Variants in GRM5 observed in about 807,000 individuals in gnomAD.
The protein encoded by GRM5 is metabotropic glutamate receptor 5.
In GRM5, 19 loss-of-function variants were observed where a neutral mutation model predicts 83.1. The ratio of observed to expected loss-of-function variants is 0.23; its 90% CI spans 0.16 to 0.34. The LOEUF is 0.34. Among genes scored for constraint, GRM5 ranks in the 10% least tolerant of loss-of-function variants. GRM5 has a pLI of 1.00. For missense variants in GRM5, 1,160 were observed against 1,588.3 expected (o/e 0.73, Z 4.58); for synonymous variants, 675 against 633.6 (o/e 1.07, Z -0.98).
At chr11:88,840,080 G>A (rs1944169204) in intron 3 of GRM5, among the ~76,000 whole-genome samples, 1 of 152,136 alleles carries the variant, frequency 6.6e-6, no homozygotes, top group African/African-American at 2.4e-5. Context: ...GGCAGATGAG[G>A]TGGAAGGGGA....
At chr11:88,925,802 T>C in intron 2 of GRM5, 1 of 449,514 alleles carries the variant, frequency 2.2e-6, no homozygotes, top group South Asian at 1.6e-5. Flanking sequence ...CTAGCTCCTC[T>C]GGAGGCTGAG....
chr11:88,898,453 A>G (rs946245399), intron 2 of GRM5, among the ~76,000 whole-genome samples: 2 of 151,954 alleles, frequency 1.3e-5, no homozygotes, highest in Non-Finnish European at 2.9e-5. Flanking sequence ...ATTTCCCAAA[A>G]CTTCAGTTTC....
At chr11:88,716,761 G>A (rs1208525066) in intron 3 of GRM5, among the ~76,000 whole-genome samples, 1 of 151,882 alleles carries the variant, frequency 6.6e-6, no homozygotes, top group Non-Finnish European at 1.5e-5. Context: ...TTTAACCCAT[G>A]GTTATGTGAA....
intron 3 of GRM5, among the ~76,000 whole-genome samples, chr11:88,688,306 C>A (rs948182651): frequency 6.6e-6 from 1 of 152,140 alleles, no homozygotes; most frequent in African/African-American, 2.4e-5. Flanking sequence ...TTTCAATTTT[C>A]CTTAATTGTA....
At chr11:88,969,436 C>T (rs1053265183) in intron 2 of GRM5, among the ~76,000 whole-genome samples, 2 of 152,006 alleles carry the variant, frequency 1.3e-5, no homozygotes, top group Non-Finnish European at 2.9e-5. Context: ...AATCTAATTT[C>T]CCCATCAAAA....
chr11:88,762,240 A>C (rs1210419415), intron 3 of GRM5, among the ~76,000 whole-genome samples: 6 of 152,176 alleles, frequency 3.9e-5, no homozygotes, highest in African/African-American at 1.2e-4. Context: ...CTATCAACAG[A>C]GTAAACCAAT....
intron 3 of GRM5, among the ~76,000 whole-genome samples, chr11:88,711,846 C>G (rs1565196763): frequency 1.3e-5 from 2 of 151,912 alleles, no homozygotes; most frequent in African/African-American, 2.4e-5. Flanking sequence ...TGTGAGAACT[C>G]AGAGAGAGAG....
chr11:88,836,115 T>G (rs1944090595), intron 3 of GRM5, among the ~76,000 whole-genome samples: 2 of 152,222 alleles, frequency 1.3e-5, no homozygotes, highest in Non-Finnish European at 2.9e-5. Context: ...AATACTGCTA[T>G]GTAAGTAGGC....
chr11:88,952,973 T>C (rs905889348), intron 2 of GRM5, among the ~76,000 whole-genome samples: 36 of 152,330 alleles, frequency 2.4e-4, no homozygotes, highest in Non-Finnish European at 1.6e-4. Flanking sequence ...TGGAGGATTT[T>C]CCCCTCTCTT....
chr11:89,018,112 A>G (rs538221646), intron 2 of GRM5, among the ~76,000 whole-genome samples: 2 of 152,312 alleles, frequency 1.3e-5, no homozygotes, highest in South Asian at 4.1e-4. Context: ...CATCTGACAC[A>G]ATATATGGCA....
intron 3 of GRM5, among the ~76,000 whole-genome samples, chr11:88,681,262 C>G (rs994421152): frequency 1.3e-5 from 2 of 152,048 alleles, no homozygotes; most frequent in African/African-American, 4.8e-5. Flanking sequence ...TACTTTCAAA[C>G]TTGTATTAAT....
chr11:89,027,308 G>T (rs1941150565), intron 2 of GRM5, among the ~76,000 whole-genome samples: 2 of 150,214 alleles, frequency 1.3e-5, no homozygotes, highest in South Asian at 4.2e-4. Context: ...GTTGCACAGG[G>T]TGGTCTCAAT....
chr11:88,867,435 C>A (rs1298048199), intron 2 of GRM5, among the ~76,000 whole-genome samples: 4 of 151,674 alleles, frequency 2.6e-5, no homozygotes, highest in African/African-American at 9.7e-5. Context: ...CATACATAGG[C>A]TGTTCAGTTT....
At position 88,604,785 on chromosome 11, in the gene GRM5, T is replaced by C. The variant is rs1459634209; in HGVS notation, c.1327A>G (p.Lys443Glu). 6 of 1,613,140 alleles carry C rather than the reference T, an allele frequency of 3.7e-6. No individual in the cohort carries two copies. Among genetic ancestry groups the C allele is most frequent in the Non-Finnish European group, 5.1e-6 (6 of 1,179,210 alleles). ...CCAGAAACCCCAGTAAAATTGGTTT[T>C]CATCAGGGACTCCAAAAGTTTCCGT... ...DGRKLLESLM[K>E]TNFTGVSGDT... Residue 443 changes from lysine to glutamate, a missense_variant, in exon 5 of 10, where the codon AAA becomes GAA. Lys to Glu is a moderately conservative substitution (Grantham distance 56). Around this residue, in one of 9 missense-constraint regions of GRM5, gnomAD observed 132 missense variants for 197.6 expected, o/e 0.67. Transcript: ENST00000305447.
At chr11:88,805,158 C>T (rs1221456669) in intron 3 of GRM5, among the ~76,000 whole-genome samples, 2 of 151,982 alleles carry the variant, frequency 1.3e-5, no homozygotes, top group Non-Finnish European at 2.9e-5. Flanking sequence ...CTCATGAGTG[C>T]TGATATTTCT....
At chr11:88,824,822 GATAT>G (rs1943866812) in intron 3 of GRM5, among the ~76,000 whole-genome samples, 1 of 151,984 alleles carries the variant, frequency 6.6e-6, no homozygotes, top group African/African-American at 2.4e-5. Flanking sequence ...CCTACATATG[GATAT>G]GTGTGTGTGT....
intron 2 of GRM5, among the ~76,000 whole-genome samples, chr11:88,939,555 G>T (rs759758934): frequency 6.6e-6 from 1 of 151,682 alleles, no homozygotes; most frequent in East Asian, 1.9e-4. Context: ...GCCTTTTAAC[G>T]ATATTTACCG....
At position 88,842,694 on chromosome 11, in the gene GRM5, C is replaced by CT. The variant is rs558124157; in HGVS notation, c.911+7211dup. On this transcript the variant is annotated intron_variant, in intron 3 of 9. Transcript: ENST00000305447. ...TTCCTGTCTCCAATTTAGAGTTCAT[C>CT]TTTTTTTTTCAACCTAAATGCTGAG... Among the ~76,000 whole-genome samples, 649 of 151,454 alleles carry CT rather than the reference C, an allele frequency of 4.3e-3. 1 individual carries two copies. The highest frequency in any genetic ancestry group is 0.013 in the African/African-American group (545 of 41,284).
chr11:88,773,182 G>T (rs1313201223), intron 3 of GRM5, among the ~76,000 whole-genome samples: 1 of 152,124 alleles, frequency 6.6e-6, no homozygotes, highest in Non-Finnish European at 1.5e-5. Flanking sequence ...GTTTTGATTT[G>T]CATTTCTCTG....
Sources: allele counts gnomAD v4.1 joint callset (sites outside exome capture counted in the v4.1 genomes callset), GRCh38; gene constraint gnomAD v4.1.1; regional missense constraint gnomAD v4.1.1; transcripts MANE v1.5; gene names NCBI Gene and HGNC (gene_info 2026-07-23, HGNC 2026-07-21).